SNX29: variants seen among roughly 807,000 people sequenced by gnomAD.
SNX29 encodes the protein sorting nexin-29.
A neutral mutation model predicts 102.1 loss-of-function variants in SNX29; 78 were observed. The ratio of observed to expected loss-of-function variants is 0.76; its 90% CI spans 0.64 to 0.92. The LOEUF is 0.92. Among genes scored for constraint, SNX29 ranks in the 40% least tolerant of loss-of-function variants. The pLI is 0.00. For synonymous variants in SNX29, 580 were observed against 414.5 expected (o/e 1.40, Z -4.85); for missense variants, 1,280 against 1,061.7 (o/e 1.21, Z -2.86).
At chr16:12,410,296 G>A (rs1306272639) in intron 18 of SNX29, among the ~76,000 whole-genome samples, 3 of 151,240 alleles carry the variant, frequency 2.0e-5, no homozygotes, top group East Asian at 2.0e-4. Flanking sequence ...GCCTGGCCGC[G>A]TTTTTTTCTT....
chr16:12,183,734 G>C (rs1252653180), intron 13 of SNX29, among the ~76,000 whole-genome samples: 1 of 152,226 alleles, frequency 6.6e-6, no homozygotes, highest in Non-Finnish European at 1.5e-5. Context: ...GGCATTCTAA[G>C]TCACTGGATG....
chr16:12,297,677 T>G (rs2080028054), intron 15 of SNX29, among the ~76,000 whole-genome samples: 4 of 152,174 alleles, frequency 2.6e-5, no homozygotes, highest in Admixed American at 2.6e-4. Flanking sequence ...TACACATACT[T>G]CAGATCATTT....
chr16:12,468,840 C>G (rs1567595351), intron 18 of SNX29, among the ~76,000 whole-genome samples: 1 of 152,208 alleles, frequency 6.6e-6, no homozygotes, highest in Admixed American at 6.5e-5. Context: ...GCATCCAGTT[C>G]TCATCATGTC....
At chr16:12,368,815 C>T (rs2082578909) in intron 16 of SNX29, among the ~76,000 whole-genome samples, 1 of 152,224 alleles carries the variant, frequency 6.6e-6, no homozygotes, top group Non-Finnish European at 1.5e-5. Flanking sequence ...AGGCAGCGGC[C>T]ACCAGGATTC....
In SNX29 at chr16:12,139,026, A is replaced by G. The variant is rs192610646; in HGVS notation, c.1595+9268A>G. On this transcript the variant is annotated intron_variant, in intron 13 of 20. Transcript: ENST00000566228. ...AGGCCAGCCTGGACAACCTGGTGAA[A>G]CCTTGTCTCTACCAAAAATACAAAA... Among the ~76,000 whole-genome samples, 144 of 151,764 alleles carry G rather than the reference A, an allele frequency of 9.5e-4. 1 individual carries two copies. Among genetic ancestry groups the G allele is most frequent in the Middle Eastern group, 6.8e-3 (2 of 294 alleles).
intron 18 of SNX29, among the ~76,000 whole-genome samples, chr16:12,429,895 T>C (rs917819905): frequency 6.6e-5 from 10 of 152,182 alleles, no homozygotes; most frequent in Admixed American, 6.5e-4. Flanking sequence ...TTGACTATTG[T>C]TTTCTTGCTC....
chr16:12,468,331 T>G (rs1442070024), intron 18 of SNX29, among the ~76,000 whole-genome samples: 1 of 151,856 alleles, frequency 6.6e-6, no homozygotes. Flanking sequence ...CCCGCCACCA[T>G]GCCCCGCTAA....
At chr16:12,421,274 G>A (rs1160278699) in intron 18 of SNX29, among the ~76,000 whole-genome samples, 3 of 152,216 alleles carry the variant, frequency 2.0e-5, no homozygotes, top group Non-Finnish European at 4.4e-5. Context: ...CTACTCCTAA[G>A]AGCCAAGGAG....
intron 2 of SNX29, among the ~76,000 whole-genome samples, chr16:12,001,819 A>G (rs2056298332): frequency 6.6e-6 from 1 of 152,068 alleles, no homozygotes; most frequent in Non-Finnish European, 1.5e-5. Flanking sequence ...GGGGTGTGAG[A>G]CCAGCCTGGG....
intron 14 of SNX29, among the ~76,000 whole-genome samples, chr16:12,261,680 GGAGT>G (rs776831049): frequency 7.9e-6 from 1 of 125,994 alleles, no homozygotes; most frequent in Non-Finnish European, 1.6e-5. Flanking sequence ...GTCCCCGGCT[GGAGT>G]GAGTGTTTGC....
At chr16:12,563,098 G>A (rs888086924) in intron 20 of SNX29, among the ~76,000 whole-genome samples, 28 of 142,214 alleles carry the variant, frequency 2.0e-4, no homozygotes, top group Non-Finnish European at 3.4e-4. Flanking sequence ...CATAGAAGAC[G>A]CACGCTAACA....
Position 12,248,902 on chromosome 16 carries a change from G to GAGT in SNX29, c.1679-29030_1679-29028dup, listed in dbSNP as rs568199962. On this transcript the variant is annotated intron_variant, in intron 14 of 20. Coordinates refer to ENST00000566228, the MANE Select transcript of SNX29 (RefSeq NM_032167.5). ...AGTAAGGACTGTTCTATTCTCTGCC[G>GAGT]AGTCTTAGTGTCCAGAACAGTGAGT... Among the ~76,000 whole-genome samples, 20 of 152,244 alleles carry GAGT rather than the reference G, an allele frequency of 1.3e-4. No individual in the cohort carries two copies. The East Asian group carries it at 3.9e-3, about 29-fold the overall frequency.
chr16:12,149,368 G>A (rs2055201497), intron 13 of SNX29, among the ~76,000 whole-genome samples: 1 of 152,194 alleles, frequency 6.6e-6, no homozygotes, highest in Non-Finnish European at 1.5e-5. Flanking sequence ...TGTGATTTCT[G>A]TTTTTTAGTG....
intron 20 of SNX29, among the ~76,000 whole-genome samples, chr16:12,548,641 G>T (rs966037043): frequency 6.6e-6 from 1 of 152,202 alleles, no homozygotes; most frequent in East Asian, 1.9e-4. Context: ...CTCTTCAGGG[G>T]CCTCATTTGG....
intron 20 of SNX29, among the ~76,000 whole-genome samples, chr16:12,530,446 C>T (rs1452757484): frequency 6.6e-6 from 1 of 152,168 alleles, no homozygotes; most frequent in Non-Finnish European, 1.5e-5. Context: ...GCACACCTAC[C>T]CTTGCACTCA....
chr16:12,517,704 C>T (rs896641690), intron 19 of SNX29, among the ~76,000 whole-genome samples: 8 of 152,134 alleles, frequency 5.3e-5, no homozygotes. Flanking sequence ...TACCATCTAG[C>T]AAGGGAGGTG....
At chr16:12,526,591 G>C (rs772029130) in intron 20 of SNX29, 1 of 531,318 alleles carries the variant, frequency 1.9e-6, no homozygotes. Flanking sequence ...GATAGTTCAC[G>C]TGAGGAGTTC....
At chr16:12,009,896 T>G (rs2056590292) in intron 3 of SNX29, among the ~76,000 whole-genome samples, 1 of 152,258 alleles carries the variant, frequency 6.6e-6, no homozygotes, top group African/African-American at 2.4e-5. Flanking sequence ...CAAGGCGTCT[T>G]TGTCCCATAC....
At position 12,565,429 on chromosome 16, in the gene SNX29, C is replaced by G. The variant is rs540450702; in HGVS notation, c.2319-3077C>G. Among the ~76,000 whole-genome samples, 11 of 139,256 alleles carry G rather than the reference C, an allele frequency of 7.9e-5. No homozygotes were observed. In the South Asian group the frequency reaches 2.5e-3, roughly 31 times the overall value. The allele number at this position is 139,256 out of a possible 152,430, so 91.4% of individuals were successfully genotyped here. A position where few individuals can be genotyped will look rare whatever the true frequency, so the allele number is the denominator to read the frequency against. On this transcript the variant is annotated intron_variant, in intron 20 of 20. Coordinates refer to ENST00000566228, the MANE Select transcript of SNX29 (RefSeq NM_032167.5). Reference sequence around the variant, plus strand: ...TTGTCCCAAATGAAGCCCATCCTCCCGTGGCCTCACCTGCCCCCTCCTCAT... The same window carrying G: ...TTGTCCCAAATGAAGCCCATCCTCCGGTGGCCTCACCTGCCCCCTCCTCAT...
Sources: gnomAD v4.1 joint callset for allele counts (sites outside exome capture counted in the v4.1 genomes callset) on GRCh38, gnomAD v4.1.1 for gene constraint, MANE v1.5 for transcripts, NCBI Gene and HGNC (gene_info 2026-07-23, HGNC 2026-07-21) for gene names.